SYT1: variants seen among roughly 807,000 people sequenced by gnomAD.
SYT1 encodes the protein synaptotagmin 1.
In SYT1, 8 loss-of-function variants were observed where a neutral mutation model predicts 44.8. The ratio of observed to expected loss-of-function variants is 0.18; its 90% CI spans 0.10 to 0.32. The LOEUF (loss-of-function observed/expected upper bound fraction) is 0.32. SYT1 is among the 10% of genes least tolerant of loss of function. The pLI is 1.00. For missense variants in SYT1, 286 were observed against 509.3 expected (o/e 0.56, Z 4.22); for synonymous variants, 154 against 188.8 (o/e 0.82, Z 1.51).
In SYT1 at chr12:79,296,137, C is replaced by T. The variant is rs778647625; in HGVS notation, c.543C>T (p.Tyr181=). 92 of 1,613,892 alleles carry T rather than the reference C, an allele frequency of 5.7e-5. No homozygotes were observed. Among genetic ancestry groups the T allele is most frequent in the South Asian group, 1.1e-4 (10 of 91,062 alleles). The change falls in exon 7 of 11, where the codon TAC becomes TAT. Residue 181 remains tyrosine (Y), a synonymous_variant. Transcript: ENST00000261205. Reference sequence around the variant, plus strand: ...ACATGGGGGGCACATCTGATCCTTACGTGAAAGTGTTTCTGCTACCTGATA... The same window carrying T: ...ACATGGGGGGCACATCTGATCCTTATGTGAAAGTGTTTCTGCTACCTGATA... ...ALDMGGTSDP[Y]VKVFLLPDKK...
chr12:78,869,636 A>G (rs1873716661), intron 1 of SYT1, among the ~76,000 whole-genome samples: 1 of 152,032 alleles, frequency 6.6e-6, no homozygotes, highest in South Asian at 2.1e-4. Context: ...TATTTAAGAG[A>G]GTTTCAAAAG....
intron 2 of SYT1, among the ~76,000 whole-genome samples, chr12:79,019,289 TAAAA>T (rs1872024663): frequency 6.6e-6 from 1 of 151,990 alleles, no homozygotes; most frequent in Non-Finnish European, 1.5e-5. Flanking sequence ...ATGTCCTTCT[TAAAA>T]TAACTTAATT....
At chr12:79,034,657 G>C (rs1188994698) in intron 2 of SYT1, among the ~76,000 whole-genome samples, 2 of 151,660 alleles carry the variant, frequency 1.3e-5, no homozygotes, top group Admixed American at 1.3e-4. Flanking sequence ...TTAAATAGCA[G>C]CTGTAATTTT....
At chr12:79,339,117 T>G (rs1882236196) in intron 8 of SYT1, among the ~76,000 whole-genome samples, 1 of 152,184 alleles carries the variant, frequency 6.6e-6, no homozygotes, top group Non-Finnish European at 1.5e-5. Context: ...TGAATAGTGC[T>G]GCAATAAACA....
At position 78,915,692 on chromosome 12, in the gene SYT1, C is replaced by CT. The variant is rs201546699; in HGVS notation, c.-217+50591dup. ...TTGTCTGAATAAGCTTACAATATTT[C>CT]TTTTTTTTCTATTTATTCTGGCTAG... is the stretch of plus-strand genomic sequence containing the variant. On this transcript the variant is annotated intron_variant, in intron 1 of 10. Transcript: ENST00000261205. Among the ~76,000 whole-genome samples the CT allele has an allele frequency of 5.1e-3, 769 of 151,718 alleles. 6 individuals are homozygous for CT. The highest frequency in any genetic ancestry group is 0.018 in the African/African-American group (741 of 41,418).
chr12:79,029,396 GAA>G (rs1231829207), intron 2 of SYT1, among the ~76,000 whole-genome samples: 3 of 149,630 alleles, frequency 2.0e-5, no homozygotes, highest in African/African-American at 7.3e-5. Context: ...AGCTGTTCTG[GAA>G]AGTTGTAGTG....
chr12:79,216,940 C>A (rs1449678222), intron 3 of SYT1, among the ~76,000 whole-genome samples: 1 of 151,892 alleles, frequency 6.6e-6, no homozygotes, highest in Non-Finnish European at 1.5e-5. Context: ...TGAAAACTTA[C>A]CATCAATAAA....
chr12:79,260,673 C>G (rs1877779319), intron 4 of SYT1, among the ~76,000 whole-genome samples: 2 of 152,242 alleles, frequency 1.3e-5, no homozygotes, highest in Non-Finnish European at 2.9e-5. Flanking sequence ...ATATTTTTCT[C>G]TACTCCACAA....
intron 3 of SYT1, among the ~76,000 whole-genome samples, chr12:79,057,357 G>A (rs1313420987): frequency 6.6e-6 from 1 of 151,916 alleles, no homozygotes; most frequent in Non-Finnish European, 1.5e-5. Flanking sequence ...TAAGGAAAAT[G>A]TCTCTAAACA....
intron 9 of SYT1, among the ~76,000 whole-genome samples, chr12:79,434,343 C>G (rs560559025): frequency 5.0e-4 from 76 of 152,278 alleles, no homozygotes; most frequent in Non-Finnish European, 9.3e-4. Context: ...TGCATCCTTT[C>G]AACAGCATTA....
In SYT1 at chr12:79,286,021, C is replaced by A. The variant is rs377461373; in HGVS notation, c.351+50C>A. On this transcript the variant is annotated intron_variant, in intron 5 of 10. Coordinates refer to ENST00000261205, the MANE Select transcript of SYT1 (RefSeq NM_005639.3). ...TCTTATTTTGTTTAAAAAAGATAAA[C>A]AAATGTATTATTTTATGCCATATAA... is the stretch of plus-strand genomic sequence containing the variant. The A allele has an allele frequency of 3.1e-5, 48 of 1,543,416 alleles. 1 individual carries two copies. The East Asian group carries it at 4.3e-4, about 14-fold the overall frequency.
chr12:78,970,965 A>T (rs1868359993), intron 1 of SYT1, among the ~76,000 whole-genome samples: 1 of 152,326 alleles, frequency 6.6e-6, no homozygotes, highest in Admixed American at 6.5e-5. Context: ...CCTGGCCAAC[A>T]TGGTGAAACT....
intron 3 of SYT1, among the ~76,000 whole-genome samples, chr12:79,165,046 A>G (rs1286577482): frequency 6.6e-6 from 1 of 152,040 alleles, no homozygotes; most frequent in Non-Finnish European, 1.5e-5. Context: ...AGAGGAAAGC[A>G]ATAATAGGGT....
intron 2 of SYT1, among the ~76,000 whole-genome samples, chr12:79,017,607 G>T (rs11609599): frequency 0.052 from 7,981 of 152,114 alleles, 241 homozygotes; most frequent in Admixed American, 0.089. Context: ...TGTGGGGAGG[G>T]GACTTCAACC....
chr12:78,935,212 G>A (rs868623842), intron 1 of SYT1, among the ~76,000 whole-genome samples: 1 of 152,098 alleles, frequency 6.6e-6, no homozygotes, highest in African/African-American at 2.4e-5. Context: ...CCGTCCCCTC[G>A]GTAGCACTGA....
intron 9 of SYT1, among the ~76,000 whole-genome samples, chr12:79,402,608 C>T (rs1885110882): frequency 6.6e-6 from 1 of 152,054 alleles, no homozygotes; most frequent in South Asian, 2.1e-4. Flanking sequence ...AAAAAAACTG[C>T]AACAAAAGAA....
chr12:79,173,266 T>C, intron 3 of SYT1, among the ~76,000 whole-genome samples: 1 of 152,066 alleles, frequency 6.6e-6, no homozygotes, highest in South Asian at 2.1e-4. Context: ...GCAAGTTCCC[T>C]GTAAGCTCAC....
At chr12:79,348,564 A>G (rs1882707097) in intron 8 of SYT1, among the ~76,000 whole-genome samples, 1 of 152,254 alleles carries the variant, frequency 6.6e-6, no homozygotes, top group African/African-American at 2.4e-5. Context: ...AAACTTCTTG[A>G]AAGTCAGGAA....
intron 9 of SYT1, among the ~76,000 whole-genome samples, chr12:79,435,224 C>T (rs1475206155): frequency 1.3e-5 from 2 of 152,142 alleles, no homozygotes. Flanking sequence ...CTTGCTGATA[C>T]TGTTGGATTT....
Sources: allele counts gnomAD v4.1 joint callset (sites outside exome capture counted in the v4.1 genomes callset), GRCh38; gene constraint gnomAD v4.1.1; transcripts MANE v1.5; gene names NCBI Gene and HGNC (gene_info 2026-07-23, HGNC 2026-07-21).